Variants in VWA3B observed in about 807,000 individuals in gnomAD.
VWA3B encodes von Willebrand factor A domain-containing protein 3B.
In VWA3B, 138 loss-of-function variants were observed where a neutral mutation model predicts 158.3. The ratio of observed to expected loss-of-function variants is 0.87; its 90% CI spans 0.76 to 1.00. VWA3B has a LOEUF of 1.00. Ranked by LOEUF, VWA3B falls within the 50% of genes least tolerant of loss-of-function variation. The pLI is 0.00. For missense variants in VWA3B, 1,555 were observed against 1,565.1 expected, an observed-to-expected ratio of 0.99 and a Z score of 0.11; for synonymous variants, 596 against 587.3, an observed-to-expected ratio of 1.01 and a Z score of -0.21.
intron 7 of VWA3B, among the ~76,000 whole-genome samples, chr2:98,142,973 G>A (rs1275174998): frequency 6.6e-6 from 1 of 152,016 alleles, no homozygotes; most frequent in Non-Finnish European, 1.5e-5. Flanking sequence ...CAATTATCAC[G>A]TTAACAATTT....
the VWA3B span, among the ~76,000 whole-genome samples, chr2:98,330,326 C>A: frequency 6.6e-6 from 1 of 152,162 alleles, no homozygotes; most frequent in East Asian, 1.9e-4. Flanking sequence ...GACTTATAGT[C>A]CCAGGACTGC....
chr2:98,272,358 C>T (rs1288912108), intron 22 of VWA3B, among the ~76,000 whole-genome samples: 3 of 152,316 alleles, frequency 2.0e-5, no homozygotes, highest in South Asian at 2.1e-4. Flanking sequence ...ATCATGTGAG[C>T]GATGCAGGAA....
At chr2:98,329,249 G>A in the VWA3B span, among the ~76,000 whole-genome samples, 1 of 152,068 alleles carries the variant, frequency 6.6e-6, no homozygotes, top group Non-Finnish European at 1.5e-5. Flanking sequence ...TAAAACTTAG[G>A]AAGAAATATT....
At position 98,121,464 on chromosome 2, in the gene VWA3B, T is replaced by C. The variant is rs1181296149; in HGVS notation, c.702+6T>C. ...AAGCCGGGAGAGACAAGACTGTAAG[T>C]GCGTGTTCATGGCTGGCCCCAGGCC... On this transcript the variant is annotated splice_donor_region_variant and intron_variant, in intron 5 of 27. Transcript: ENST00000477737. The C allele has an allele frequency of 1.2e-6, 2 of 1,611,856 alleles. No individual in the cohort carries two copies. Among genetic ancestry groups the C allele is most frequent in the Non-Finnish European group, 1.7e-6 (2 of 1,178,806 alleles).
chr2:98,193,438 G>T (rs1681763395), intron 11 of VWA3B, among the ~76,000 whole-genome samples: 1 of 152,162 alleles, frequency 6.6e-6, no homozygotes, highest in East Asian at 1.9e-4. Context: ...TTCTGCCTGT[G>T]CTGCCTCTGA....
At chr2:98,208,031 G>A (rs1683165252) in intron 12 of VWA3B, among the ~76,000 whole-genome samples, 1 of 151,422 alleles carries the variant, frequency 6.6e-6, no homozygotes, top group Admixed American at 6.6e-5. Flanking sequence ...TGCTTCATGT[G>A]TTTTGAAGCT....
rs1232041225 is a variant in VWA3B at position 98,250,304 on chromosome 2, C to T, written c.2674-14C>T. The T allele has an allele frequency of 6.2e-7, 1 of 1,601,100 alleles. No individual in the cohort carries two copies. The highest frequency in any genetic ancestry group is 8.5e-7 in the Non-Finnish European group (1 of 1,173,338). Reference sequence around the variant, plus strand: ...TCAAGTGACACTTTCCTTTCCTTTGCCATTGACATGCAGGTGTTCCCTCTG... The same window carrying T: ...TCAAGTGACACTTTCCTTTCCTTTGTCATTGACATGCAGGTGTTCCCTCTG... On this transcript the variant is annotated splice_polypyrimidine_tract_variant and intron_variant, in intron 19 of 27. Coordinates refer to ENST00000477737, the MANE Select transcript of VWA3B (RefSeq NM_144992.5).
intron 10 of VWA3B, among the ~76,000 whole-genome samples, chr2:98,190,653 T>C (rs955477686): frequency 6.6e-6 from 1 of 152,224 alleles, no homozygotes; most frequent in Non-Finnish European, 1.5e-5. Flanking sequence ...TTTACAGTTC[T>C]GTCTTTCAGT....
chr2:98,212,344 T>C (rs13431656), intron 13 of VWA3B, among the ~76,000 whole-genome samples: 33,903 of 152,098 alleles, frequency 0.22, 4,301 homozygotes, highest in Non-Finnish European at 0.27. Context: ...AAATGAAAAG[T>C]GAGGAGATTC....
chr2:98,270,951 T>C (rs961923348), intron 22 of VWA3B, 68 bp downstream of exon 22: 7 of 1,488,462 alleles, frequency 4.7e-6, no homozygotes, highest in East Asian at 2.3e-5. Flanking sequence ...CATTCCTACA[T>C]TGGCTTCCTT....
the VWA3B span, among the ~76,000 whole-genome samples, chr2:98,329,554 TA>T: frequency 6.6e-6 from 1 of 152,116 alleles, no homozygotes; most frequent in Non-Finnish European, 1.5e-5. Context: ...TGACTGGCCA[TA>T]AGTACATGAA....
At chr2:98,264,221 T>C (rs1257144774) in intron 21 of VWA3B, among the ~76,000 whole-genome samples, 1 of 152,010 alleles carries the variant, frequency 6.6e-6, no homozygotes, top group Admixed American at 6.5e-5. Context: ...CTATTGTTTT[T>C]CTATACTCTA....
At chr2:98,307,290 T>C (rs1690583342) in intron 26 of VWA3B, among the ~76,000 whole-genome samples, 1 of 152,264 alleles carries the variant, frequency 6.6e-6, no homozygotes, top group Non-Finnish European at 1.5e-5. Context: ...ATTTATAACC[T>C]GACGTGTCCA....
intron 12 of VWA3B, among the ~76,000 whole-genome samples, chr2:98,208,482 TG>T (rs1317895528): frequency 6.6e-6 from 1 of 152,196 alleles, no homozygotes; most frequent in Non-Finnish European, 1.5e-5. Context: ...CATATTTTGG[TG>T]TTTCATTTTG....
At chr2:98,208,164 T>C (rs1024644518) in intron 12 of VWA3B, among the ~76,000 whole-genome samples, 1 of 152,054 alleles carries the variant, frequency 6.6e-6, no homozygotes, top group South Asian at 2.1e-4. Context: ...CTTTATATAA[T>C]ATTAATATAC....
At chr2:98,143,347 T>G (rs1355832302) in intron 7 of VWA3B, among the ~76,000 whole-genome samples, 3 of 152,160 alleles carry the variant, frequency 2.0e-5, no homozygotes, top group African/African-American at 7.2e-5. Context: ...CCAAGTTATA[T>G]CAAGTATATT....
the VWA3B span, among the ~76,000 whole-genome samples, chr2:98,323,629 A>G: frequency 6.6e-6 from 1 of 152,212 alleles, no homozygotes; most frequent in Non-Finnish European, 1.5e-5. Context: ...AATTACTCCT[A>G]CACACATCAT....
At chr2:98,186,646 C>T (rs547366582) in intron 9 of VWA3B, among the ~76,000 whole-genome samples, 12 of 151,892 alleles carry the variant, frequency 7.9e-5, no homozygotes, top group South Asian at 2.1e-4. Flanking sequence ...TGAACGCTGT[C>T]GGTTCTGTTT....
intron 19 of VWA3B, among the ~76,000 whole-genome samples, chr2:98,247,068 G>A (rs2105784113): frequency 6.6e-6 from 1 of 151,904 alleles, no homozygotes; most frequent in South Asian, 2.1e-4. Flanking sequence ...TGTGATCTCG[G>A]CTCACTGAAA....
Sources: gnomAD v4.1 joint callset for allele counts (sites outside exome capture counted in the v4.1 genomes callset) on GRCh38, gnomAD v4.1.1 for gene constraint, MANE v1.5 for transcripts, NCBI Gene and HGNC (gene_info 2026-07-23, HGNC 2026-07-21) for gene names.